TMEM132D: variants seen among roughly 807,000 people sequenced by gnomAD.
TMEM132D encodes mature OL transmembrane protein.
In TMEM132D, 21 loss-of-function variants were observed where a neutral mutation model predicts 62.3. That is an observed-to-expected ratio of 0.34 (90% CI 0.24 to 0.49). The LOEUF is 0.49. Among genes scored for constraint, TMEM132D ranks in the 20% least tolerant of loss-of-function variants. TMEM132D has a pLI of 0.99. For synonymous variants in TMEM132D, 621 were observed against 575.6 expected, an observed-to-expected ratio of 1.08 and a Z score of -1.13; for missense variants, 1,346 against 1,402.8, an observed-to-expected ratio of 0.96 and a Z score of 0.65.
intron 5 of TMEM132D, among the ~76,000 whole-genome samples, chr12:129,086,661 C>A (rs1874631164): frequency 1.4e-5 from 2 of 146,494 alleles, no homozygotes; most frequent in African/African-American, 2.5e-5. Flanking sequence ...ATACTATATA[C>A]AACATATAAT....
At chr12:129,574,225 TGATA>T (rs754223472) in intron 2 of TMEM132D, among the ~76,000 whole-genome samples, 4 of 151,916 alleles carry the variant, frequency 2.6e-5, no homozygotes, top group Non-Finnish European at 4.4e-5. Flanking sequence ...ATGAACAGAT[TGATA>T]GATATGTGAT....
chr12:129,683,976 A>C (rs1215654121), intron 2 of TMEM132D, among the ~76,000 whole-genome samples: 1 of 152,214 alleles, frequency 6.6e-6, no homozygotes, highest in Non-Finnish European at 1.5e-5. Context: ...AGCTATGATG[A>C]GCTACTCCTG....
At chr12:129,480,553 C>G (rs1874398007) in intron 3 of TMEM132D, among the ~76,000 whole-genome samples, 1 of 152,118 alleles carries the variant, frequency 6.6e-6, no homozygotes, top group Non-Finnish European at 1.5e-5. Context: ...GCAATGCTGT[C>G]CCACAGACCT....
chr12:129,096,565 C>T (rs1040761051), intron 5 of TMEM132D, among the ~76,000 whole-genome samples: 4 of 152,128 alleles, frequency 2.6e-5, no homozygotes, highest in African/African-American at 7.2e-5. Flanking sequence ...TGAAAAAGAG[C>T]GGGACTCAGC....
At chr12:129,408,968 T>C (rs1273483561) in intron 3 of TMEM132D, among the ~76,000 whole-genome samples, 1 of 152,212 alleles carries the variant, frequency 6.6e-6, no homozygotes, top group African/African-American at 2.4e-5. Flanking sequence ...AGTCTTGCTC[T>C]TTCGCCCAGG....
At chr12:129,870,544 C>T (rs927670624) in intron 1 of TMEM132D, among the ~76,000 whole-genome samples, 8 of 152,128 alleles carry the variant, frequency 5.3e-5, no homozygotes, top group African/African-American at 9.7e-5. Context: ...GAGGAGAGAG[C>T]GCAAAAGCTC....
At chr12:129,200,365 AGT>A (rs1323858134) in intron 5 of TMEM132D, among the ~76,000 whole-genome samples, 5 of 152,204 alleles carry the variant, frequency 3.3e-5, no homozygotes, top group Non-Finnish European at 7.3e-5. Flanking sequence ...CTCTTGTGTT[AGT>A]GCATCAAAGG....
intron 1 of TMEM132D, among the ~76,000 whole-genome samples, chr12:129,768,348 T>G (rs992596384): frequency 4.6e-5 from 7 of 152,250 alleles, no homozygotes; most frequent in Non-Finnish European, 8.8e-5. Context: ...TATGCAAGGT[T>G]TCTGCTGTCA....
intron 6 of TMEM132D, 111 bp downstream of exon 6, chr12:129,084,383 AGGG>A: frequency 9.6e-7 from 1 of 1,041,992 alleles, no homozygotes; most frequent in Non-Finnish European, 1.3e-6. Flanking sequence ...TGAGCGGTGG[AGGG>A]AGGCTTGGTC....
At chr12:129,101,901 G>T (rs1393601554) in intron 5 of TMEM132D, among the ~76,000 whole-genome samples, 3 of 151,464 alleles carry the variant, frequency 2.0e-5, no homozygotes, top group Non-Finnish European at 4.4e-5. Context: ...AAAATATAGA[G>T]AAACCACCAG....
At chr12:129,189,938 T>C (rs1046612248) in intron 5 of TMEM132D, among the ~76,000 whole-genome samples, 4 of 152,088 alleles carry the variant, frequency 2.6e-5, no homozygotes, top group African/African-American at 9.7e-5. Context: ...TGGGGCAGTG[T>C]AATCAAAGAG....
intron 3 of TMEM132D, among the ~76,000 whole-genome samples, chr12:129,446,626 C>T (rs1269405685): frequency 2.6e-5 from 4 of 152,162 alleles, no homozygotes; most frequent in African/African-American, 9.7e-5. Flanking sequence ...TCCCTACCTC[C>T]TGAGCAGAGA....
intron 1 of TMEM132D, among the ~76,000 whole-genome samples, chr12:129,815,907 T>A (rs1160710835): frequency 6.6e-6 from 1 of 152,238 alleles, no homozygotes; most frequent in African/African-American, 2.4e-5. Flanking sequence ...AAGGAAGGCT[T>A]AGTTCTTCAT....
chr12:129,553,605 C>T (rs1211741250), intron 2 of TMEM132D, among the ~76,000 whole-genome samples: 1 of 152,176 alleles, frequency 6.6e-6, no homozygotes. Flanking sequence ...AATGTTCCCA[C>T]CATGACTGTT....
intron 3 of TMEM132D, among the ~76,000 whole-genome samples, chr12:129,467,983 C>T (rs1366883946): frequency 5.3e-5 from 8 of 152,104 alleles, no homozygotes; most frequent in Non-Finnish European, 4.4e-5. Flanking sequence ...TAACAGATAA[C>T]GAAGCTCTCA....
intron 5 of TMEM132D, among the ~76,000 whole-genome samples, chr12:129,129,314 CATG>C (rs1481707434): frequency 1.3e-5 from 2 of 152,206 alleles, no homozygotes; most frequent in Admixed American, 6.5e-5. Context: ...CTGCAAAGGA[CATG>C]ATGATTTCAT....
chr12:129,182,142 A>G (rs1445775199), intron 5 of TMEM132D, among the ~76,000 whole-genome samples: 1 of 152,106 alleles, frequency 6.6e-6, no homozygotes, highest in Admixed American at 6.6e-5. Flanking sequence ...TGAGTGGATC[A>G]CCTGGGGTCA....
intron 1 of TMEM132D, among the ~76,000 whole-genome samples, chr12:129,875,085 G>A (rs1251403978): frequency 6.6e-6 from 1 of 152,268 alleles, no homozygotes; most frequent in African/African-American, 2.4e-5. Context: ...TTCTAGCAGA[G>A]GTACAGACAT....
intron 5 of TMEM132D, among the ~76,000 whole-genome samples, chr12:129,148,919 G>A (rs1472549082): frequency 6.6e-6 from 1 of 151,670 alleles, no homozygotes; most frequent in Non-Finnish European, 1.5e-5. Flanking sequence ...AGCCCCGGAT[G>A]GCGCTGGCTC....
Sources: allele counts gnomAD v4.1 joint callset (sites outside exome capture counted in the v4.1 genomes callset), GRCh38; gene constraint gnomAD v4.1.1; transcripts MANE v1.5; gene names NCBI Gene and HGNC (gene_info 2026-07-23, HGNC 2026-07-21).